MYO1D: variants seen among roughly 807,000 people sequenced by gnomAD.
MYO1D encodes the protein unconventional myosin-Id.
A neutral mutation model predicts 122.0 loss-of-function variants in MYO1D; 83 were observed. That is an observed-to-expected ratio of 0.68 (90% confidence interval 0.57 to 0.82). MYO1D has a LOEUF of 0.82. Ranked by LOEUF, MYO1D falls within the 40% of genes least tolerant of loss-of-function variation. The pLI is 0.00. For missense variants in MYO1D, 1,157 were observed against 1,269.5 expected, an observed-to-expected ratio of 0.91 and a Z score of 1.35; for synonymous variants, 464 against 446.9, an observed-to-expected ratio of 1.04 and a Z score of -0.48.
At chr17:32,607,403 A>C (rs2087642319) in intron 20 of MYO1D, among the ~76,000 whole-genome samples, 1 of 152,196 alleles carries the variant, frequency 6.6e-6, no homozygotes, top group African/African-American at 2.4e-5. Context: ...CTCCAAAAAC[A>C]AAAATACTTA....
rs112509874 is a variant in MYO1D, at chr17:32,586,545, A to C, written c.2864+18542T>G. Among the ~76,000 whole-genome samples, 114 of 152,322 alleles carry C rather than the reference A, an allele frequency of 7.5e-4. 2 individuals are homozygous for C. Among genetic ancestry groups the C allele is most frequent in the African/African-American group, 2.7e-3 (112 of 41,568 alleles). The stretch of plus-strand genomic sequence containing the variant: ...TCCTTCCTGGGTTTTTCTTATTTGC[A>C]AATTTGTAAGTATGTCTTCATTCAA... On this transcript the variant is annotated intron_variant, in intron 21 of 21. Coordinates refer to ENST00000318217, the MANE Select transcript of MYO1D (RefSeq NM_015194.3).
intron 16 of MYO1D, among the ~76,000 whole-genome samples, chr17:32,666,691 C>T (rs2088640218): frequency 6.6e-6 from 1 of 152,134 alleles, no homozygotes; most frequent in African/African-American, 2.4e-5. Context: ...TTTTTTTCTC[C>T]TAGTTCCCCA....
intron 16 of MYO1D, among the ~76,000 whole-genome samples, chr17:32,704,687 C>T (rs182038361): frequency 2.6e-5 from 4 of 152,186 alleles, no homozygotes; most frequent in Admixed American, 2.0e-4. Flanking sequence ...TCTAGGTAAA[C>T]GGGGATGTGC....
chr17:32,710,113 A>G (rs574100616), intron 16 of MYO1D, among the ~76,000 whole-genome samples: 2 of 152,328 alleles, frequency 1.3e-5, no homozygotes, highest in Middle Eastern at 6.8e-3. Flanking sequence ...AGGTCTATGT[A>G]TAGGTTAATC....
intron 21 of MYO1D, among the ~76,000 whole-genome samples, chr17:32,560,528 C>CATATATATATATATATATATAT (rs56214129): frequency 3.1e-5 from 2 of 65,438 alleles, no homozygotes; most frequent in Non-Finnish European, 6.4e-5. Flanking sequence ...CCAGAGACAA[C>CATATATATATATATATATATAT]ATATATATAT....
chr17:32,749,841 A>C lies in MYO1D; in HGVS notation c.1468-835T>G, dbSNP rs1002913786. On this transcript the variant is annotated intron_variant, in intron 11 of 21. Transcript: ENST00000318217. ...GGAGGACCATACTGAAGGAGGACTT[A>C]AGGAGGACCATACTGAAGGCTTACT... Among the ~76,000 whole-genome samples the C allele has an allele frequency of 1.6e-4, 24 of 152,266 alleles. 1 individual carries two copies. In the Middle Eastern group the frequency reaches 0.027, roughly 173 times the overall value.
intron 1 of MYO1D, among the ~76,000 whole-genome samples, chr17:32,797,674 G>A (rs1031617634): frequency 2.0e-5 from 3 of 152,144 alleles, no homozygotes; most frequent in African/African-American, 7.2e-5. Context: ...GGTGGTCTCA[G>A]GCATCCACTA....
rs2089542206 is a variant in MYO1D at position 32,724,006 on chromosome 17, T to C, written c.1747-2817A>G. Among the ~76,000 whole-genome samples, 4 of 152,306 alleles carry C rather than the reference T, an allele frequency of 2.6e-5. No homozygotes were observed. In the South Asian group the frequency reaches 8.3e-4, roughly 32 times the overall value. On this transcript the variant is annotated intron_variant, in intron 14 of 21. Transcript: ENST00000318217. ...TAGTGATGTGTGATCAAACGTTCAC[T>C]AAATCTGTAATGATTTTCAAGTGGA...
chr17:32,711,627 C>CA (rs2089377043), intron 16 of MYO1D, among the ~76,000 whole-genome samples: 3 of 151,206 alleles, frequency 2.0e-5, no homozygotes. Flanking sequence ...GCCTAGGTGA[C>CA]ATAGTGAGAC....
At chr17:32,758,598 A>G (rs1420643741) in intron 10 of MYO1D, among the ~76,000 whole-genome samples, 1 of 152,186 alleles carries the variant, frequency 6.6e-6, no homozygotes, top group Admixed American at 6.5e-5. Flanking sequence ...GGTATAGTAC[A>G]GATGGCATAA....
At chr17:32,732,626 C>T (rs2150999272) in intron 14 of MYO1D, among the ~76,000 whole-genome samples, 1 of 152,348 alleles carries the variant, frequency 6.6e-6, no homozygotes, top group Non-Finnish European at 1.5e-5. Flanking sequence ...CTGAGCTGTT[C>T]TGTCACCCAA....
At chr17:32,564,138 C>T (rs2087150943) in intron 21 of MYO1D, among the ~76,000 whole-genome samples, 1 of 152,238 alleles carries the variant, frequency 6.6e-6, no homozygotes. Flanking sequence ...CTTGTGGAGT[C>T]CCTGGCCTGC....
intron 21 of MYO1D, among the ~76,000 whole-genome samples, chr17:32,500,274 G>A (rs928299708): frequency 3.3e-5 from 5 of 152,136 alleles, no homozygotes; most frequent in Admixed American, 2.6e-4. Context: ...CATCAACTTC[G>A]CACACTCACT....
intron 14 of MYO1D, among the ~76,000 whole-genome samples, chr17:32,728,912 G>A (rs1055241558): frequency 2.0e-5 from 3 of 152,298 alleles, no homozygotes; most frequent in African/African-American, 7.2e-5. Context: ...TAAGAAATGG[G>A]GGGAAGCCCT....
chr17:32,552,632 G>A (rs1321537918), intron 21 of MYO1D, among the ~76,000 whole-genome samples: 2 of 152,060 alleles, frequency 1.3e-5, no homozygotes, highest in Non-Finnish European at 2.9e-5. Context: ...CTATGTCCTA[G>A]GTACTGTGCT....
chr17:32,771,909 A>G lies in MYO1D; in HGVS notation c.619-689T>C, dbSNP rs78419702. 6.7e-3 allele frequency among the ~76,000 whole-genome samples: 1,025 copies of G among 152,328 alleles called. 8 individuals carry two copies. Among genetic ancestry groups the G allele is most frequent in the African/African-American group, 0.021 (862 of 41,582 alleles). On this transcript the variant is annotated intron_variant, in intron 5 of 21. Transcript: ENST00000318217. Reference sequence around the variant, plus strand: ...TATTGACAGTGCTTTTATATAGAGCATGTTTTTGGAAGGTATTAGGTTTAA... The same window carrying G: ...TATTGACAGTGCTTTTATATAGAGCGTGTTTTTGGAAGGTATTAGGTTTAA...
At position 32,493,417 on chromosome 17, in the gene MYO1D, G is replaced by A. The variant is rs1908960342; in HGVS notation, c.*1342C>T. The A allele has an allele frequency of 6.6e-6, 1 of 152,342 alleles. No individual in the cohort carries two copies. Among genetic ancestry groups the A allele is most frequent in the Non-Finnish European group, 1.5e-5 (1 of 68,138 alleles). 9.4% of individuals were successfully genotyped at this position (152,342 alleles called of 1,614,324 possible). On this transcript the variant is annotated 3_prime_UTR_variant, in exon 22 of 22. Coordinates refer to ENST00000318217, the MANE Select transcript of MYO1D (RefSeq NM_015194.3). ...GTCAGGGTGGGAAGGCAGGAGAAGT[G>A]TCTGTGGCAGGACGGGAAGAAGCTT...
chr17:32,864,919 G>A (rs1367686591), intron 1 of MYO1D, among the ~76,000 whole-genome samples: 1 of 152,018 alleles, frequency 6.6e-6, no homozygotes, highest in Admixed American at 6.6e-5. Flanking sequence ...TAAACCGATA[G>A]GAAAGGTTGA....
intron 16 of MYO1D, among the ~76,000 whole-genome samples, chr17:32,700,067 A>G (rs1447076416): frequency 6.6e-6 from 1 of 152,230 alleles, no homozygotes; most frequent in African/African-American, 2.4e-5. Context: ...AAATTTTTTT[A>G]AACAACTTTC....
Sources: allele counts gnomAD v4.1 joint callset (sites outside exome capture counted in the v4.1 genomes callset), GRCh38; gene constraint gnomAD v4.1.1; transcripts MANE v1.5; gene names NCBI Gene and HGNC (gene_info 2026-07-23, HGNC 2026-07-21).